DRICH1: variants seen among roughly 807,000 people sequenced by gnomAD.
DRICH1 encodes the protein aspartate-rich protein 1.
A neutral mutation model predicts 39.5 loss-of-function variants in DRICH1; 38 were observed. That is an observed-to-expected ratio of 0.96 (90% confidence interval 0.74 to 1.26). The LOEUF is 1.26. DRICH1 is among the 50% of genes most tolerant of loss of function. DRICH1 has a pLI of 0.00. For missense variants in DRICH1, 279 were observed against 270.4 expected (o/e 1.03, Z -0.22); for synonymous variants, 84 against 99.5 (o/e 0.84, Z 0.93).
chr22:23,626,114 T>C, intron 1 of DRICH1, 66 bp from the exon 2 acceptor site: 1 of 1,123,860 alleles, frequency 8.9e-7, no homozygotes, highest in Non-Finnish European at 1.4e-6. Context: ...TCAGGGAGCT[T>C]TGCTGGATGC....
chr22:23,592,872 ACACACAC>A, the DRICH1 span, among the ~76,000 whole-genome samples: 1 of 141,606 alleles, frequency 7.1e-6, no homozygotes, highest in East Asian at 2.0e-4. Flanking sequence ...ACACACACAC[ACACACAC>A]AAAATTAGCT....
chr22:23,597,119 C>A, the DRICH1 span, among the ~76,000 whole-genome samples: 11 of 137,342 alleles, frequency 8.0e-5, no homozygotes. Flanking sequence ...TAATAACTTT[C>A]ATTGACTGAC....
chr22:23,623,446 A>G (rs981613460), intron 3 of DRICH1, among the ~76,000 whole-genome samples: 3 of 152,154 alleles, frequency 2.0e-5, no homozygotes, highest in Admixed American at 6.6e-5. Flanking sequence ...TCACAAATTT[A>G]TATCAGTCTT....
the DRICH1 span, among the ~76,000 whole-genome samples, chr22:23,584,985 T>C: frequency 6.6e-6 from 1 of 152,188 alleles, no homozygotes; most frequent in East Asian, 1.9e-4. Context: ...ATCCTACAAA[T>C]TTTTATGTGG....
At chr22:23,590,469 G>A in the DRICH1 span, among the ~76,000 whole-genome samples, 1 of 151,658 alleles carries the variant, frequency 6.6e-6, no homozygotes, top group African/African-American at 2.4e-5. Context: ...GTAGAGATGG[G>A]GTTTTGCCTT....
downstream of DRICH1, among the ~76,000 whole-genome samples, chr22:23,604,097 T>C (rs1926608612): frequency 6.6e-6 from 1 of 152,088 alleles, no homozygotes; most frequent in South Asian, 2.1e-4. Context: ...GGGGTGTCTC[T>C]AGTTCTGGAT....
chr22:23,608,790 T>C, intron 11 of DRICH1, 22 bp from the exon 12 acceptor site: 1 of 1,558,000 alleles, frequency 6.4e-7, no homozygotes, highest in Admixed American at 1.9e-5. Context: ...GATAATCCCT[T>C]TTTAGTGAGA....
chr22:23,588,304 T>G, the DRICH1 span, among the ~76,000 whole-genome samples: 1 of 152,138 alleles, frequency 6.6e-6, no homozygotes, highest in African/African-American at 2.4e-5. Context: ...TTTTTTTGTA[T>G]TTTTAGTAGA....
intron 3 of DRICH1, 22 bp downstream of exon 3, chr22:23,624,861 T>C (rs767207972): frequency 6.2e-7 from 1 of 1,611,282 alleles, no homozygotes; most frequent in South Asian, 1.1e-5. Flanking sequence ...TCTCAGAAAG[T>C]GAGTTAGTTC....
downstream of DRICH1, among the ~76,000 whole-genome samples, chr22:23,606,201 C>G (rs77153047): frequency 5.5e-3 from 836 of 152,238 alleles, 9 homozygotes; most frequent in African/African-American, 0.019. Flanking sequence ...CCTCAACCCT[C>G]TGGCTTGTCT....
chr22:23,584,207 G>A, the DRICH1 span, among the ~76,000 whole-genome samples: 1 of 152,236 alleles, frequency 6.6e-6, no homozygotes, highest in Non-Finnish European at 1.5e-5. Flanking sequence ...CTGGGCAGAG[G>A]AGGCTGGGCC....
In DRICH1 at chr22:23,624,882, C is replaced by T. The variant is rs1443365889; in HGVS notation, c.298+1G>A. The stretch of plus-strand genomic sequence containing the variant: ...AAAGTGAGTTAGTTCAAGGTACGTA[C>T]CCTGGACAGGTGATGGTAAAATCTG... On this transcript the variant is annotated splice_donor_variant, in intron 3 of 11. Transcript: ENST00000317749. LOFTEE classifies it high-confidence loss of function. 5.6e-6 allele frequency: 9 copies of T among 1,613,450 alleles called. No homozygotes were observed. Among genetic ancestry groups the T allele is most frequent in the Non-Finnish European group, 6.8e-6 (8 of 1,179,562 alleles).
the DRICH1 span, among the ~76,000 whole-genome samples, chr22:23,598,980 G>T: frequency 1.3e-5 from 2 of 152,326 alleles, no homozygotes; most frequent in Admixed American, 1.3e-4. Flanking sequence ...GGATTTAACT[G>T]CTCTAGGCCT....
upstream of DRICH1, chr22:23,632,679 G>GC (rs1227108505): frequency 4.5e-5 from 5 of 110,192 alleles, no homozygotes; most frequent in African/African-American, 8.9e-5. Context: ...AGGCTGAGCG[G>GC]GGGGGGTGGA....
chr22:23,607,060 G>C (rs540869564), downstream of DRICH1: 1 of 152,812 alleles, frequency 6.5e-6, no homozygotes, highest in African/African-American at 2.4e-5. Flanking sequence ...GATGTCATCA[G>C]CAAGGGTCTG....
chr22:23,608,548 G>A lies in DRICH1; in HGVS notation c.*216C>T. ...CTCACTCTCTTGCCAAAGGAGAAAT[G>A]CCAGGCCCAGAAGCACTGGGTCCTG... On this transcript the variant is annotated 3_prime_UTR_variant, in exon 12 of 12. Coordinates refer to ENST00000317749, the MANE Select transcript of DRICH1 (RefSeq NM_016449.4). 1 of 539,570 alleles carries A rather than the reference G, an allele frequency of 1.9e-6. No individual in the cohort carries two copies. The highest frequency in any genetic ancestry group is 2.8e-5 in the South Asian group (1 of 36,098). The allele number at this position is 539,570 out of a possible 1,614,324, so 33.4% of individuals were successfully genotyped here. A position where few individuals can be genotyped will look rare whatever the true frequency, so the allele number is the denominator to read the frequency against.
chr22:23,602,633 C>T, the DRICH1 span, among the ~76,000 whole-genome samples: 12 of 149,474 alleles, frequency 8.0e-5, no homozygotes, highest in East Asian at 1.6e-3. Context: ...TGCAGTGAGC[C>T]GAGATTCACC....
At chr22:23,600,365 G>A in the DRICH1 span, among the ~76,000 whole-genome samples, 1 of 152,172 alleles carries the variant, frequency 6.6e-6, no homozygotes. Context: ...TGAGTGTCTG[G>A]CTGTGCCCTA....
chr22:23,584,159 CTCACCTCACCCCTTCCTGGA>C, the DRICH1 span, among the ~76,000 whole-genome samples: 161 of 152,328 alleles, frequency 1.1e-3, 1 homozygote, highest in Admixed American at 4.6e-3. Context: ...ACCACCCAGG[CTCACCTCACCCCTTCCTGGA>C]CTGAGATGTG....
Sources: gnomAD v4.1 joint callset for allele counts (sites outside exome capture counted in the v4.1 genomes callset) on GRCh38, gnomAD v4.1.1 for gene constraint, MANE v1.5 for transcripts, NCBI Gene and HGNC (gene_info 2026-07-23, HGNC 2026-07-21) for gene names.